The following DSG3 variants were observed in gnomAD, a reference collection of about 807,000 sequenced individuals.
DSG3 encodes the protein desmoglein-3.
Under a neutral mutation model 85.9 loss-of-function variants are expected in DSG3, and 63 were observed. The ratio of observed to expected loss-of-function variants is 0.73; its 90% CI spans 0.60 to 0.90. The LOEUF (loss-of-function observed/expected upper bound fraction) is 0.90, where lower values mean the gene tolerates loss of function less well. Among genes scored for constraint, DSG3 ranks in the 40% least tolerant of loss-of-function variants. The pLI, the probability that DSG3 is intolerant of heterozygous loss-of-function variation, is 0.00. For missense variants in DSG3, 1,220 were observed against 1,219.9 expected, an observed-to-expected ratio of 1.00 and a Z score of 0.00; for synonymous variants, 447 against 441.9, an observed-to-expected ratio of 1.01 and a Z score of -0.14.
rs138856533 is a variant in DSG3 at position 31,471,919 on chromosome 18, A to G, written c.1898-365A>G. 3.2e-3 allele frequency among the ~76,000 whole-genome samples: 483 copies of G among 152,366 alleles called. 3 individuals carry two copies. Among genetic ancestry groups the G allele is most frequent in the African/African-American group, 0.011 (440 of 41,598 alleles). ...ATATTTATCTGTGTATTCACCTGACACAATATACATAGCCCCAACATGTGC... is the reference window on the plus strand; with the variant it reads ...ATATTTATCTGTGTATTCACCTGACGCAATATACATAGCCCCAACATGTGC... On this transcript the variant is annotated intron_variant, in intron 12 of 15. Coordinates refer to ENST00000257189, the MANE Select transcript of DSG3 (RefSeq NM_001944.3).
At chr18:31,450,715 A>G (rs866525750) in intron 1 of DSG3, among the ~76,000 whole-genome samples, 11 of 152,314 alleles carry the variant, frequency 7.2e-5, no homozygotes, top group African/African-American at 2.6e-4. Context: ...TCAACTGTCA[A>G]ATAAGAATCA....
At chr18:31,466,459 G>T in intron 10 of DSG3, 71 bp from the exon 11 acceptor site, 2 of 1,363,696 alleles carry the variant, frequency 1.5e-6, no homozygotes, top group South Asian at 2.4e-5. Flanking sequence ...AAAGAGAAAT[G>T]TAAAAGATTC....
intron 14 of DSG3, among the ~76,000 whole-genome samples, chr18:31,473,834 C>T (rs977174787): frequency 6.6e-6 from 1 of 152,144 alleles, no homozygotes; most frequent in Non-Finnish European, 1.5e-5. Context: ...TAACTGTGTA[C>T]TAAATATCCT....
Position 31,466,696 on chromosome 18 carries a change from T to G in DSG3, c.1578T>G (p.Phe526Leu), listed in dbSNP as rs565328917. 6.2e-7 allele frequency: 1 copy of G among 1,614,208 alleles called. No homozygotes were observed. The highest frequency in any genetic ancestry group is 2.2e-5 in the East Asian group (1 of 44,878). ...LNNRYTGPYT[F>L]ALEDQPVKLP... ...ATAGATACACTGGCCCCTATACATT[T>G]GCACTGGAAGATCAACCTGTAAAGT... Residue 526 changes from phenylalanine (F) to leucine (L), a missense_variant, in exon 11 of 16, where the codon TTT becomes TTG. Transcript: ENST00000257189.
At chr18:31,456,937 T>G (rs2072745823) in intron 2 of DSG3, 56 bp from the exon 3 acceptor site, 4 of 1,571,680 alleles carry the variant, frequency 2.5e-6, no homozygotes, top group Non-Finnish European at 3.4e-6. Context: ...TAATCAATAT[T>G]CTAAGCAAAA....
At position 31,461,375 on chromosome 18, in the gene DSG3, A is replaced by G. The variant is rs2072785179; in HGVS notation, c.962A>G (p.Asp321Gly). 1 of 1,613,494 alleles carries G rather than the reference A, an allele frequency of 6.2e-7. No homozygotes were observed. Among genetic ancestry groups the G allele is most frequent in the Non-Finnish European group, 8.5e-7 (1 of 1,179,840 alleles). ...GGAAATTGGTTTGAAATACAAACTGATCCTAGAACTAATGAAGGCATCCTG... is the reference window on the plus strand; with the variant it reads ...GGAAATTGGTTTGAAATACAAACTGGTCCTAGAACTAATGAAGGCATCCTG... ...NEGNWFEIQT[D>G]PRTNEGILKV... Residue 321 changes from aspartate to glycine, a missense_variant, in exon 8 of 16, where the codon GAT becomes GGT. By Grantham distance (94) the Asp-to-Gly change is moderately conservative. Transcript: ENST00000257189.
chr18:31,456,501 C>G, intron 2 of DSG3, 26 bp downstream of exon 2: 1 of 1,272,266 alleles, frequency 7.9e-7, no homozygotes, highest in Non-Finnish European at 1.0e-6. Context: ...GGTTTTTGTA[C>G]TTAAAATAAT....
chr18:31,452,075 A>C (rs2072714728), intron 1 of DSG3, among the ~76,000 whole-genome samples: 1 of 152,100 alleles, frequency 6.6e-6, no homozygotes, highest in African/African-American at 2.4e-5. Context: ...ATTCACATAA[A>C]CTACAGCGTG....
intron 1 of DSG3, among the ~76,000 whole-genome samples, chr18:31,451,031 A>C (rs1023473542): frequency 6.6e-6 from 1 of 152,152 alleles, no homozygotes; most frequent in Non-Finnish European, 1.5e-5. Context: ...AATAAAAGCT[A>C]TATTTGGGAG....
rs750003056 is a variant in DSG3 at position 31,460,029 on chromosome 18, G to A, written c.684+18G>A. Reference sequence around the variant, plus strand: ...ACCGAGAGGTACAGCAAAGCACTTGGGGGAACATTCAAGATTAAAGGGTTT... The same window carrying A: ...ACCGAGAGGTACAGCAAAGCACTTGAGGGAACATTCAAGATTAAAGGGTTT... On this transcript the variant is annotated intron_variant, in intron 6 of 15. Transcript: ENST00000257189. The A allele has an allele frequency of 6.3e-7, 1 of 1,598,792 alleles. No homozygotes were observed. The highest frequency in any genetic ancestry group is 1.7e-5 in the Admixed American group (1 of 58,460).
In DSG3 at chr18:31,475,672, C is replaced by T. The variant is rs117661169; in HGVS notation, c.2412C>T (p.Asp804=). 50,814 of 1,614,000 alleles carry T rather than the reference C, an allele frequency of 0.031. 984 individuals are homozygous for T. The highest frequency in any genetic ancestry group is 0.062 in the South Asian group (5,628 of 91,056). ...AAGCATTTGCCTGTGCGGAGGAAGA[C>T]GATGGCCAGGAAGCAAATGACTGCT... ...SQKAFACAEE[D]DGQEANDCLL... Residue 804 remains aspartate, a synonymous_variant, in exon 16 of 16, where the codon GAC becomes GAT. Coordinates refer to ENST00000257189, the MANE Select transcript of DSG3 (RefSeq NM_001944.3).
At chr18:31,460,106 A>G in intron 6 of DSG3, 95 bp downstream of exon 6, 1 of 1,344,874 alleles carries the variant, frequency 7.4e-7, no homozygotes, top group East Asian at 2.4e-5. Context: ...AAATTAAAAA[A>G]GAAAAGAGGT....
At chr18:31,471,714 T>C (rs8091481) in intron 12 of DSG3, among the ~76,000 whole-genome samples, 19,764 of 152,244 alleles carry the variant, frequency 0.13, 1,364 homozygotes, top group African/African-American at 0.19. Context: ...CCTCCAAGCT[T>C]AAGCCACAAC....
intron 8 of DSG3, among the ~76,000 whole-genome samples, chr18:31,463,589 T>G (rs1033584199): frequency 1.3e-5 from 2 of 152,148 alleles, no homozygotes; most frequent in Non-Finnish European, 2.9e-5. Context: ...ACCTAAGAAT[T>G]TTTAAAGTCA....
At chr18:31,456,329 G>T in intron 1 of DSG3, 111 bp from the exon 2 acceptor site, 1 of 766,224 alleles carries the variant, frequency 1.3e-6, no homozygotes, top group South Asian at 5.3e-5. Flanking sequence ...TTTTGAAATA[G>T]AAACAAATCA....
At chr18:31,461,944 T>C (rs2072788972) in intron 8 of DSG3, among the ~76,000 whole-genome samples, 1 of 152,246 alleles carries the variant, frequency 6.6e-6, no homozygotes, top group Admixed American at 6.5e-5. Context: ...TTTAATATGC[T>C]TGGCTATGAC....
In DSG3 at chr18:31,474,321, A is replaced by G. The variant is rs1342991434; in HGVS notation, c.2302A>G (p.Thr768Ala). 6.2e-7 allele frequency: 1 copy of G among 1,613,498 alleles called. No individual in the cohort carries two copies. The highest frequency in any genetic ancestry group is 1.7e-5 in the Admixed American group (1 of 59,912). The part of the protein sequence containing the change: ...CSSGQSGTMR[T>A]RHSTGGTNKD... ...CTCAGGGCAGTCTGGAACCATGAGA[A>G]CAAGGCATTCCACTGGAGGAACCAA... is the stretch of plus-strand genomic sequence containing the variant. Residue 768 changes from threonine (T) to alanine (A), a missense_variant, in exon 15 of 16, where the codon ACA (threonine) becomes GCA (alanine). Coordinates refer to ENST00000257189, the MANE Select transcript of DSG3 (RefSeq NM_001944.3).
chr18:31,456,401 G>T, intron 1 of DSG3, 39 bp from the exon 2 acceptor site: 1 of 1,278,364 alleles, frequency 7.8e-7, no homozygotes, highest in Non-Finnish European at 1.0e-6. Context: ...CTTATTTGAA[G>T]AATTCACATT....
chr18:31,448,753 G>T (rs1389198938), intron 1 of DSG3, among the ~76,000 whole-genome samples: 1 of 151,770 alleles, frequency 6.6e-6, no homozygotes, highest in East Asian at 1.9e-4. Context: ...AATTCCTAAT[G>T]CTAATTTGTA....
Sources: allele counts gnomAD v4.1 joint callset (sites outside exome capture counted in the v4.1 genomes callset), GRCh38; gene constraint gnomAD v4.1.1; transcripts MANE v1.5; gene names NCBI Gene and HGNC (gene_info 2026-07-23, HGNC 2026-07-21).